Variants in BCL11B observed in about 807,000 individuals in gnomAD.
The protein encoded by BCL11B is B-cell lymphoma/leukemia 11B.
In BCL11B, 8 loss-of-function variants were observed where a neutral mutation model predicts 49.9. The ratio of observed to expected loss-of-function variants is 0.16; its 90% CI spans 0.09 to 0.29. The LOEUF is 0.29. Among genes scored for constraint, BCL11B ranks in the 10% least tolerant of loss-of-function variants. BCL11B has a pLI of 1.00. For synonymous variants in BCL11B, 739 were observed against 637.4 expected, an observed-to-expected ratio of 1.16 and a Z score of -2.40; for missense variants, 1,006 against 1,351.0, an observed-to-expected ratio of 0.74 and a Z score of 4.00.
Position 99,231,206 on chromosome 14 carries a change from A to T in BCL11B, c.640+139T>A. On this transcript the variant is annotated intron_variant, in intron 3 of 3. Coordinates refer to ENST00000357195, the MANE Select transcript of BCL11B (RefSeq NM_138576.4). The surrounding 1 kb of genome is among the most constrained non-coding windows in gnomAD (Gnocchi z 8.1). ...GCTCATAGTTCAGCGAACATTCTTT[A>T]CCACTTCCCCTGGCACCCCAAAAAG... 1.1e-6 allele frequency: 1 copy of T among 936,288 alleles called. No individual in the cohort carries two copies. The highest frequency in any genetic ancestry group is 1.6e-6 in the Non-Finnish European group (1 of 635,824). The allele number at this position is 936,288 out of a possible 1,614,324, so 58.0% of individuals were successfully genotyped here.
At position 99,195,346 on chromosome 14, in the gene BCL11B, C is replaced by T. The variant is rs950309901; in HGVS notation, c.641-19151G>A. Among the ~76,000 whole-genome samples, 1 of 152,118 alleles carries T rather than the reference C, an allele frequency of 6.6e-6. No individual in the cohort carries two copies. Among genetic ancestry groups the T allele is most frequent in the Admixed American group, 6.5e-5 (1 of 15,280 alleles). ...TCCCAGGGCTCTCCAGTATTCCCCA[C>T]ACCTCCTCTGTGGGGCTCCCCCAGC... On this transcript the variant is annotated intron_variant, in intron 3 of 3. Transcript: ENST00000357195. The surrounding 1 kb of genome is among the most constrained non-coding windows in gnomAD (Gnocchi z 4.7).
chr14:99,254,668 C>T lies in BCL11B; in HGVS notation c.427+2803G>A, dbSNP rs552343093. ...CGAGGCCCTGGGGACAATAGCAGGT[C>T]ATGGAGGGATTGGAGGACTCCTTGG... is the stretch of plus-strand genomic sequence containing the variant. On this transcript the variant is annotated intron_variant, in intron 2 of 3. Transcript: ENST00000357195. Among the ~76,000 whole-genome samples the T allele has an allele frequency of 5.9e-5, 9 of 152,336 alleles. No homozygotes were observed. In the East Asian group the frequency reaches 1.2e-3, roughly 20 times the overall value.
rs1887127599 is a variant in BCL11B, at chr14:99,194,601, C to T, written c.641-18406G>A. ...GGTGCTTAACTTCTCTGAATCTGTC[C>T]TTCGGTGTGAAAGGCCTTGTCTGCA... is the stretch of plus-strand genomic sequence containing the variant. On this transcript the variant is annotated intron_variant, in intron 3 of 3. Transcript: ENST00000357195. The surrounding 1 kb of genome is among the most constrained non-coding windows in gnomAD (Gnocchi z 4.6). 6.6e-6 allele frequency among the ~76,000 whole-genome samples: 1 copy of T among 152,214 alleles called. No homozygotes were observed. Among genetic ancestry groups the T allele is most frequent in the African/African-American group, 2.4e-5 (1 of 41,454 alleles).
rs1889698391 is a variant in BCL11B, at chr14:99,271,764, G to C, written c.-546C>G. ...GCAAACAAATAAAAAAATAAAAGAAGAAAAAGCAAAGGAAAAAAAAAAGCA... is the reference window on the plus strand; with the variant it reads ...GCAAACAAATAAAAAAATAAAAGAACAAAAAGCAAAGGAAAAAAAAAAGCA... On this transcript the variant is annotated 5_prime_UTR_variant, in exon 1 of 4. Coordinates refer to ENST00000357195, the MANE Select transcript of BCL11B (RefSeq NM_138576.4). Among the ~76,000 whole-genome samples the C allele has an allele frequency of 6.7e-6, 1 of 149,986 alleles. No homozygotes were observed.
At chr14:99,256,358 T>G (rs533698283) in intron 2 of BCL11B, among the ~76,000 whole-genome samples, 8 of 152,274 alleles carry the variant, frequency 5.3e-5, no homozygotes, top group African/African-American at 1.7e-4. Context: ...GCTCATCTAA[T>G]CCTCACACCA....
intron 3 of BCL11B, among the ~76,000 whole-genome samples, chr14:99,216,029 C>CAAT (rs1887824776): frequency 6.6e-6 from 1 of 152,136 alleles, no homozygotes; most frequent in African/African-American, 2.4e-5. Context: ...ACAGTGATTG[C>CAAT]AATAATAATA....
chr14:99,199,640 C>CTCTG (rs1168964373), intron 3 of BCL11B, among the ~76,000 whole-genome samples: 1,874 of 109,550 alleles, frequency 0.017, 24 homozygotes, highest in East Asian at 0.058. Flanking sequence ...TGGCTAAATG[C>CTCTG]TGTGTGTGTG....
At position 99,174,885 on chromosome 14, in the gene BCL11B, C is replaced by T; in HGVS notation, c.1951G>A (p.Val651Ile). The T allele has an allele frequency of 9.3e-7, 1 of 1,071,162 alleles. No homozygotes were observed. Among genetic ancestry groups the T allele is most frequent in the Non-Finnish European group, 1.1e-6 (1 of 885,248 alleles). The allele number at this position is 1,071,162 out of a possible 1,614,324, so 66.4% of individuals were successfully genotyped here. ...GCGDAGAGGAVNGRGGGFAPG... is the reference protein window; with the variant it reads ...GCGDAGAGGAINGRGGGFAPG... ...GCGAAGCCGCCCCCGCGCCCGTTGACCGCGCCGCCCGCGCCCGCGTCCCCG... is the reference window on the plus strand; with the variant it reads ...GCGAAGCCGCCCCCGCGCCCGTTGATCGCGCCGCCCGCGCCCGCGTCCCCG... Residue 651 changes from valine to isoleucine, a missense_variant, in exon 4 of 4, where the codon GTC becomes ATC. Transcript: ENST00000357195.
At chr14:99,269,621 T>C (rs1307947306) in intron 1 of BCL11B, among the ~76,000 whole-genome samples, 1 of 151,846 alleles carries the variant, frequency 6.6e-6, no homozygotes, top group African/African-American at 2.4e-5. Context: ...AGATGGCTCC[T>C]ATGCTGGGTT....
rs550602826 is a variant in BCL11B at position 99,184,297 on chromosome 14, C to A, written c.641-8102G>T. On this transcript the variant is annotated intron_variant, in intron 3 of 3. Transcript: ENST00000357195. The surrounding 1 kb of genome is among the most constrained non-coding windows in gnomAD (Gnocchi z 6.1). ...ATATCTTTTCAGATCCAGCCCAAGT[C>A]TAATCCCCTCAGCATTCCACAGCAT... Among the ~76,000 whole-genome samples the A allele has an allele frequency of 3.4e-3, 517 of 152,340 alleles. 2 individuals are homozygous for A. Among genetic ancestry groups the A allele is most frequent in the Non-Finnish European group, 5.4e-3 (367 of 68,040 alleles).
intron 3 of BCL11B, among the ~76,000 whole-genome samples, chr14:99,211,435 T>C (rs1887684848): frequency 6.6e-6 from 1 of 152,212 alleles, no homozygotes; most frequent in Non-Finnish European, 1.5e-5. Flanking sequence ...GTCCTCCTCC[T>C]CATGGCAGCC....
In BCL11B at chr14:99,262,196, C is replaced by A. The variant is rs920401325; in HGVS notation, c.59-4357G>T. Among the ~76,000 whole-genome samples, 1 of 152,246 alleles carries A rather than the reference C, an allele frequency of 6.6e-6. No individual in the cohort carries two copies. Among genetic ancestry groups the A allele is most frequent in the Non-Finnish European group, 1.5e-5 (1 of 68,046 alleles). ...GGCCTTACCTGGCCAGTGACTCCCCCACACACAGGGTGCCAAGGACCCCGC... is the reference window on the plus strand; with the variant it reads ...GGCCTTACCTGGCCAGTGACTCCCCAACACACAGGGTGCCAAGGACCCCGC... On this transcript the variant is annotated intron_variant, in intron 1 of 3. Transcript: ENST00000357195. This position sits in a 1 kb window ranked among gnomAD's most constrained non-coding sequence, Gnocchi z 4.2.
At chr14:99,246,609 G>T (rs1888848661) in intron 2 of BCL11B, among the ~76,000 whole-genome samples, 1 of 152,216 alleles carries the variant, frequency 6.6e-6, no homozygotes, top group African/African-American at 2.4e-5. Context: ...GGGAGATGCA[G>T]CCGCCCCCGC....
chr14:99,255,016 C>T (rs1889116958), intron 2 of BCL11B, among the ~76,000 whole-genome samples: 1 of 152,140 alleles, frequency 6.6e-6, no homozygotes, highest in Non-Finnish European at 1.5e-5. Flanking sequence ...AATTAATGCT[C>T]CCACCATATT....
At chr14:99,258,770 C>T (rs1889250710) in intron 1 of BCL11B, among the ~76,000 whole-genome samples, 1 of 152,150 alleles carries the variant, frequency 6.6e-6, no homozygotes, top group Non-Finnish European at 1.5e-5. Context: ...TATTTTCACT[C>T]CCAGAAAAAT....
chr14:99,257,417 A>C lies in BCL11B; in HGVS notation c.427+54T>G. 2 of 1,545,178 alleles carry C rather than the reference A, an allele frequency of 1.3e-6. No homozygotes were observed. The highest frequency in any genetic ancestry group is 1.8e-6 in the Non-Finnish European group (2 of 1,139,882). ...GCACCAGCACACTCAGGCAGAGGGC[A>C]TGGGACCCAGGAGGTGGCTTCCACA... On this transcript the variant is annotated intron_variant, in intron 2 of 3. Transcript: ENST00000357195. The surrounding 1 kb of genome is among the most constrained non-coding windows in gnomAD (Gnocchi z 6.2).
chr14:99,182,372 T>C (rs1211523245), intron 3 of BCL11B, among the ~76,000 whole-genome samples: 1 of 152,188 alleles, frequency 6.6e-6, no homozygotes, highest in Non-Finnish European at 1.5e-5. Context: ...GTAAAGCCTG[T>C]GCTCTTGTTA....
Position 99,271,343 on chromosome 14 carries a change from C to T in BCL11B, c.-125G>A. On this transcript the variant is annotated 5_prime_UTR_variant, in exon 1 of 4. Coordinates refer to ENST00000357195, the MANE Select transcript of BCL11B (RefSeq NM_138576.4). Reference sequence around the variant, plus strand: ...GCCGCCGCCGCCGCCGCCGCACCTCCTCCTCTGCCCGGGTTGGTGTTTTTT... The same window carrying T: ...GCCGCCGCCGCCGCCGCCGCACCTCTTCCTCTGCCCGGGTTGGTGTTTTTT... The T allele has an allele frequency of 1.8e-6, 1 of 568,692 alleles. No homozygotes were observed. The highest frequency in any genetic ancestry group is 2.5e-6 in the Non-Finnish European group (1 of 400,032). The allele number at this position is 568,692 out of a possible 1,614,324, so 35.2% of individuals were successfully genotyped here.
intron 3 of BCL11B, among the ~76,000 whole-genome samples, chr14:99,219,254 G>T (rs1418350806): frequency 6.6e-6 from 1 of 151,884 alleles, no homozygotes; most frequent in African/African-American, 2.4e-5. Context: ...GGCTGGTCTT[G>T]AACTGCTGGG....
Sources: gnomAD v4.1 joint callset for allele counts (sites outside exome capture counted in the v4.1 genomes callset) on GRCh38, gnomAD v4.1.1 for gene constraint, Gnocchi (gnomAD v3.1) non-coding constraint, MANE v1.5 for transcripts, NCBI Gene and HGNC (gene_info 2026-07-23, HGNC 2026-07-21) for gene names.